Variants in MYOM2 observed in about 807,000 individuals in gnomAD.
MYOM2 encodes the protein myomesin-2.
In MYOM2, 254 loss-of-function variants were observed where a neutral mutation model predicts 187.6. The observed-to-expected ratio is 1.35, with a 90% confidence interval of 1.22 to 1.50. The LOEUF (loss-of-function observed/expected upper bound fraction) is 1.50, where lower values mean the gene tolerates loss of function less well. MYOM2 is among the 40% of genes most tolerant of loss of function. MYOM2 has a pLI of 0.00. For synonymous variants in MYOM2, 981 were observed against 753.8 expected (o/e 1.30, Z -4.94); for missense variants, 2,796 against 1,924.0 (o/e 1.45, Z -8.48).
At chr8:2,078,501 G>A (rs1819510070) in intron 11 of MYOM2, among the ~76,000 whole-genome samples, 1 of 151,694 alleles carries the variant, frequency 6.6e-6, no homozygotes, top group Non-Finnish European at 1.5e-5. Context: ...AAGATTCATG[G>A]GCATATATTA....
Position 2,052,232 on chromosome 8 carries a change from C to T in MYOM2, c.182C>T (p.Thr61Met), listed in dbSNP as rs534542853. ...RSSSQRASSQ[T>M]SLGGTICRVC... The stretch of plus-strand genomic sequence containing the variant: ...TCTTCACAGAGAGCCTCCAGCCAGA[C>T]GTCCCTGGGAGGAACCATCTGCAGG... Residue 61 changes from threonine (T) to methionine (M), a missense_variant, in exon 3 of 37, where the codon ACG becomes ATG. Thr to Met is a moderately conservative substitution (Grantham distance 81). Coordinates refer to ENST00000262113, the MANE Select transcript of MYOM2 (RefSeq NM_003970.4). 52 of 1,613,266 alleles carry T rather than the reference C, an allele frequency of 3.2e-5. 2 individuals carry two copies. The South Asian group carries it at 3.6e-4, about 11-fold the overall frequency.
At chr8:2,095,319 T>A (rs1796442022) in intron 17 of MYOM2, among the ~76,000 whole-genome samples, 1 of 148,348 alleles carries the variant, frequency 6.7e-6, no homozygotes, top group Non-Finnish European at 1.5e-5. Context: ...CGACGTAGAG[T>A]CTCGCTCTGT....
In MYOM2 at chr8:2,104,536, C is replaced by T. The variant is rs573008321; in HGVS notation, c.2735-1706C>T. Among the ~76,000 whole-genome samples the T allele has an allele frequency of 3.2e-4, 48 of 150,934 alleles. 1 individual carries two copies. Among genetic ancestry groups the T allele is most frequent in the African/African-American group, 7.8e-4 (32 of 41,008 alleles). On this transcript the variant is annotated intron_variant, in intron 21 of 36. Transcript: ENST00000262113. ...AGGAGAATGGGGTGAACCTGGGAGG[C>T]GGAGGTTGCAGTGAGCCGAGATCGC...
intron 28 of MYOM2, 142 bp from the exon 29 acceptor site, chr8:2,123,110 A>G: frequency 1.9e-6 from 1 of 514,904 alleles, no homozygotes; most frequent in Admixed American, 3.7e-5. Flanking sequence ...CAGCTTTTCC[A>G]TAAGCCTTCG....
chr8:2,060,423 A>G (rs1471157943), intron 6 of MYOM2, among the ~76,000 whole-genome samples: 3 of 152,160 alleles, frequency 2.0e-5, no homozygotes, highest in African/African-American at 4.8e-5. Context: ...ATATGTTTAT[A>G]TATATAACGG....
At chr8:2,065,212 C>T (rs529447175) in intron 6 of MYOM2, among the ~76,000 whole-genome samples, 6 of 152,242 alleles carry the variant, frequency 3.9e-5, no homozygotes, top group South Asian at 2.1e-4. Context: ...TAAGAATGAT[C>T]GGGCTGGTCT....
intron 34 of MYOM2, 71 bp from the exon 35 acceptor site, chr8:2,142,304 G>A (rs1048769900): frequency 7.0e-7 from 1 of 1,434,960 alleles, no homozygotes; most frequent in Non-Finnish European, 9.8e-7. Flanking sequence ...CCTCTCAGCT[G>A]TGCATTTTGT....
At chr8:2,061,922 C>T (rs1818862960) in intron 6 of MYOM2, among the ~76,000 whole-genome samples, 1 of 152,168 alleles carries the variant, frequency 6.6e-6, no homozygotes, top group Admixed American at 6.5e-5. Flanking sequence ...CACTCTCTGG[C>T]ATCAGGAGGC....
chr8:2,130,066 C>CGT (rs1171751485), intron 32 of MYOM2, among the ~76,000 whole-genome samples: 2 of 152,076 alleles, frequency 1.3e-5, no homozygotes, highest in African/African-American at 4.8e-5. Flanking sequence ...TGTTAACGCC[C>CGT]GTCAGTACAC....
intron 6 of MYOM2, among the ~76,000 whole-genome samples, chr8:2,066,764 A>G (rs966627709): frequency 2.6e-5 from 4 of 152,214 alleles, no homozygotes; most frequent in Admixed American, 6.5e-5. Flanking sequence ...AATGCTTAGC[A>G]TTGGAGAAAG....
chr8:2,099,122 C>G (rs3817704), intron 19 of MYOM2, 139 bp downstream of exon 19: 38 of 1,182,382 alleles, frequency 3.2e-5, no homozygotes, highest in Non-Finnish European at 1.2e-5. Context: ...AGCCACCGTG[C>G]GCCAGGCGCC....
At chr8:2,062,715 C>G (rs1412284661) in intron 6 of MYOM2, among the ~76,000 whole-genome samples, 3 of 152,120 alleles carry the variant, frequency 2.0e-5, no homozygotes, top group African/African-American at 7.2e-5. Flanking sequence ...TTTTGGACAG[C>G]TCATGGGTAT....
At chr8:2,093,008 C>T (rs1053502736) in intron 16 of MYOM2, among the ~76,000 whole-genome samples, 2 of 152,114 alleles carry the variant, frequency 1.3e-5, no homozygotes, top group African/African-American at 4.8e-5. Flanking sequence ...CAGGGGAAAG[C>T]CAGTGACCCT....
intron 13 of MYOM2, among the ~76,000 whole-genome samples, chr8:2,082,375 G>A (rs1049524636): frequency 1.3e-5 from 2 of 149,702 alleles, no homozygotes; most frequent in Non-Finnish European, 3.0e-5. Flanking sequence ...TTTTCTACCT[G>A]TGTCTTTTTT....
At chr8:2,066,063 G>T (rs754160636) in intron 6 of MYOM2, among the ~76,000 whole-genome samples, 2 of 152,202 alleles carry the variant, frequency 1.3e-5, no homozygotes, top group Non-Finnish European at 2.9e-5. Flanking sequence ...CGAGTACAAG[G>T]GTGGGTCAAG....
At chr8:2,135,659 T>C (rs1256162614) in intron 32 of MYOM2, among the ~76,000 whole-genome samples, 1 of 152,200 alleles carries the variant, frequency 6.6e-6, no homozygotes, top group African/African-American at 2.4e-5. Flanking sequence ...TTAACTTTAG[T>C]TTGGAATGAA....
At position 2,114,615 on chromosome 8, in the gene MYOM2, G is replaced by A. The variant is rs144908212; in HGVS notation, c.3181-1345G>A. 5.8e-3 allele frequency among the ~76,000 whole-genome samples: 878 copies of A among 152,070 alleles called. 9 individuals are homozygous for A. Among genetic ancestry groups the A allele is most frequent in the African/African-American group, 0.02 (829 of 41,482 alleles). ...CTTCTGAGTAGCTGGGATTACAGGC[G>A]TGCGCCACCACACCTGGCTAATTCT... is the stretch of plus-strand genomic sequence containing the variant. On this transcript the variant is annotated intron_variant, in intron 25 of 36. Coordinates refer to ENST00000262113, the MANE Select transcript of MYOM2 (RefSeq NM_003970.4).
intron 16 of MYOM2, 122 bp from the exon 17 acceptor site, chr8:2,093,848 A>C: frequency 8.6e-7 from 1 of 1,161,640 alleles, no homozygotes; most frequent in South Asian, 1.5e-5. Flanking sequence ...TAGAATTGAA[A>C]ATGAAGGATG....
intron 28 of MYOM2, among the ~76,000 whole-genome samples, chr8:2,120,984 G>A (rs79799538): frequency 6.6e-6 from 1 of 151,814 alleles, no homozygotes; most frequent in Non-Finnish European, 1.5e-5. Flanking sequence ...TATAAAAGAA[G>A]AGAAGGTTAC....
Sources: gnomAD v4.1 joint callset for allele counts (sites outside exome capture counted in the v4.1 genomes callset) on GRCh38, gnomAD v4.1.1 for gene constraint, MANE v1.5 for transcripts, NCBI Gene and HGNC (gene_info 2026-07-23, HGNC 2026-07-21) for gene names.